Variants in RABAC1 observed in about 807,000 individuals in gnomAD.
RABAC1 encodes prenylated Rab acceptor protein 1.
In RABAC1, 16 loss-of-function variants were observed where a neutral mutation model predicts 22.9. The observed-to-expected ratio is 0.70, with a 90% confidence interval of 0.47 to 1.06. The LOEUF (loss-of-function observed/expected upper bound fraction) is 1.06, where lower values mean the gene tolerates loss of function less well. Ranked by LOEUF, RABAC1 falls within the 50% of genes least tolerant of loss-of-function variation. The pLI is 0.00. For synonymous variants in RABAC1, 139 were observed against 107.7 expected (o/e 1.29, Z -1.80); for missense variants, 227 against 246.5 (o/e 0.92, Z 0.53).
intron 3 of RABAC1, 43 bp downstream of exon 3, chr19:41,958,243 G>A: frequency 6.4e-7 from 1 of 1,557,100 alleles, no homozygotes; most frequent in East Asian, 2.3e-5. Context: ...AAAAGACCAA[G>A]ATTTGAGGGA....
intron 3 of RABAC1, 64 bp from the exon 4 acceptor site, chr19:41,957,183 G>T (rs1318238438): frequency 1.4e-5 from 19 of 1,357,550 alleles, no homozygotes; most frequent in Non-Finnish European, 1.8e-5. Context: ...AGTAACCCCT[G>T]CTGCCCCCCA....
In RABAC1 at chr19:41,956,950, C is replaced by T; in HGVS notation, c.470-16G>A. The T allele has an allele frequency of 1.9e-6, 3 of 1,611,716 alleles. No individual in the cohort carries two copies. The African/African-American group carries it at 4.0e-5, about 21-fold the overall frequency. Reference sequence around the variant, plus strand: ...AGGGTGGCTCCTGCAGGAAAGCCGGCAGCTCAGGGCCACACTCCTGCACCT... The same window carrying T: ...AGGGTGGCTCCTGCAGGAAAGCCGGTAGCTCAGGGCCACACTCCTGCACCT... On this transcript the variant is annotated splice_polypyrimidine_tract_variant and intron_variant, in intron 4 of 4. Transcript: ENST00000222008.
Position 41,957,078 on chromosome 19 carries a change from C to T in RABAC1, c.409G>A (p.Gly137Ser), listed in dbSNP as rs1472200027. The T allele has an allele frequency of 5.6e-6, 9 of 1,613,720 alleles. No individual in the cohort carries two copies. Among genetic ancestry groups the T allele is most frequent in the Admixed American group, 1.7e-5 (1 of 59,994 alleles). ...AGCCAGAAGAAGGGGAAGGAGATGC[C>T]TCCAGCCAGAGCATACTGATGCGCT... is the stretch of plus-strand genomic sequence containing the variant. ...SPAHQYALAG[G>S]ISFPFFWLAG... Residue 137 changes from glycine (G) to serine (S), a missense_variant, in exon 4 of 5, where the codon GGC (glycine) becomes AGC (serine). Transcript: ENST00000222008.
chr19:41,958,620 G>T (rs1176712090), intron 2 of RABAC1, 116 bp downstream of exon 2: 4 of 1,191,674 alleles, frequency 3.4e-6, no homozygotes, highest in South Asian at 1.5e-5. Flanking sequence ...GCGGTGAGAA[G>T]AGGGCCCTGG....
chr19:41,958,672 G>T, intron 2 of RABAC1, 64 bp downstream of exon 2: 1 of 1,521,296 alleles, frequency 6.6e-7, no homozygotes. Context: ...CGGGGCCTGA[G>T]CGGCGAGAGG....
At position 41,957,095 on chromosome 19, in the gene RABAC1, T is replaced by C; in HGVS notation, c.392A>G (p.Gln131Arg). ...GGAGATGCCTCCAGCCAGAGCATAC[T>C]GATGCGCTGGGCTCACCTCTCGGCC... is the stretch of plus-strand genomic sequence containing the variant. ...LFGREVSPAHQYALAGGISFP... is the reference protein window; with the variant it reads ...LFGREVSPAHRYALAGGISFP... Residue 131 changes from glutamine to arginine, a missense_variant, in exon 4 of 5, where the codon CAG becomes CGG. Gln to Arg is a conservative substitution (Grantham distance 43, BLOSUM62 1). Transcript: ENST00000222008. 2.5e-6 allele frequency: 4 copies of C among 1,613,786 alleles called. No homozygotes were observed. The highest frequency in any genetic ancestry group is 3.4e-6 in the Non-Finnish European group (4 of 1,179,978).
chr19:41,957,302 G>A (rs11083642), intron 3 of RABAC1, 183 bp from the exon 4 acceptor site: 394,636 of 594,350 alleles, frequency 0.66, 132,463 homozygotes, highest in East Asian at 0.82. Context: ...CTGCCCTCCA[G>A]AACACAGCAC....
At position 41,959,306 on chromosome 19, in the gene RABAC1, G is replaced by T; in HGVS notation, c.-14C>A. On this transcript the variant is annotated 5_prime_UTR_variant, in exon 1 of 5. Coordinates refer to ENST00000222008, the MANE Select transcript of RABAC1 (RefSeq NM_006423.3). ...CTGCGCTGCCATGTCTGCGTCGTGA[G>T]GGGTAGAGCTGCTGTAACCAGCCCG... The T allele has an allele frequency of 6.2e-7, 1 of 1,613,516 alleles. No individual in the cohort carries two copies. The highest frequency in any genetic ancestry group is 1.3e-5 in the African/African-American group (1 of 75,056).
rs1236009980 is a variant in RABAC1 at position 41,956,872 on chromosome 19, C to T, written c.532G>A (p.Glu178Lys). 1.2e-6 allele frequency: 2 copies of T among 1,612,330 alleles called. No individual in the cohort carries two copies. Among genetic ancestry groups the T allele is most frequent in the Non-Finnish European group, 1.7e-6 (2 of 1,179,446 alleles). The change falls in exon 5 of 5, where the codon GAG becomes AAG. Residue 178 changes from glutamate to lysine, a missense_variant. Glu to Lys is a moderately conservative substitution (Grantham distance 56, BLOSUM62 1). Transcript: ENST00000222008. ...AFHQIEAVDG[E>K]ELQMEPV ...CACACGGGTTCCATCTGCAGCTCCTCCCCGTCCACAGCCTCAATCTGGTGG... is the reference window on the plus strand; with the variant it reads ...CACACGGGTTCCATCTGCAGCTCCTTCCCGTCCACAGCCTCAATCTGGTGG...
At position 41,958,341 on chromosome 19, in the gene RABAC1, G is replaced by T. The variant is rs1555857004; in HGVS notation, c.312C>A (p.Phe104Leu). Reference protein sequence around the residue: ...PMLLVALAVFFGACYILYLRT... With the variant: ...PMLLVALAVFLGACYILYLRT... ...GCAGATAGAGAATGTAACAGGCGCC[G>T]AAAAAGACAGCCAGAGCCACCAGCA... The change falls in exon 3 of 5, where the codon TTC becomes TTA. Residue 104 changes from phenylalanine (F) to leucine (L), a missense_variant. Physicochemically the swap from Phe to Leu is conservative, Grantham distance 22. Transcript: ENST00000222008. 2 of 1,613,542 alleles carry T rather than the reference G, an allele frequency of 1.2e-6. No individual in the cohort carries two copies. The highest frequency in any genetic ancestry group is 2.2e-5 in the South Asian group (2 of 91,024).
chr19:41,957,193 A>G (rs979402627), intron 3 of RABAC1, 74 bp from the exon 4 acceptor site: 1 of 1,259,654 alleles, frequency 7.9e-7, no homozygotes, highest in Non-Finnish European at 1.1e-6. Context: ...GCTGCCCCCC[A>G]ACAATCCGTA....
chr19:41,958,404 G>A (rs782124878), intron 2 of RABAC1, 21 bp from the exon 3 acceptor site: 1 of 1,605,294 alleles, frequency 6.2e-7, no homozygotes, highest in Admixed American at 1.7e-5. Context: ...AGTGCAGGGA[G>A]GCAGCGGTTA....
At chr19:41,958,658 A>G in intron 2 of RABAC1, 78 bp downstream of exon 2, 6 of 1,463,622 alleles carry the variant, frequency 4.1e-6, no homozygotes, top group Non-Finnish European at 5.6e-6. Context: ...CGGGCGGTGA[A>G]GGGCGGGGCC....
chr19:41,958,352 C>T lies in RABAC1; in HGVS notation c.301G>A (p.Ala101Thr), dbSNP rs782624247. ...VTSPMLLVAL[A>T]VFFGACYILY... ...ATGTAACAGGCGCCGAAAAAGACAG[C>T]CAGAGCCACCAGCAACATAGGGGAC... Residue 101 changes from alanine to threonine, a missense_variant, in exon 3 of 5, where the codon GCT becomes ACT. Ala to Thr is a moderately conservative substitution (Grantham distance 58). Transcript: ENST00000222008. 4 of 1,613,492 alleles carry T rather than the reference C, an allele frequency of 2.5e-6. No homozygotes were observed. In the South Asian group the frequency reaches 4.4e-5, roughly 18 times the overall value.
intron 3 of RABAC1, 147 bp downstream of exon 3, chr19:41,958,139 G>T (rs1555856953): frequency 3.2e-5 from 22 of 678,852 alleles, no homozygotes. Context: ...AGATTTTAAG[G>T]GATCAGGTTT....
intron 1 of RABAC1, 40 bp from the exon 2 acceptor site, chr19:41,958,988 G>A (rs782304178): frequency 3.3e-6 from 5 of 1,515,690 alleles, no homozygotes; most frequent in South Asian, 2.5e-5. Context: ...GACCGGGATG[G>A]AGCCCCAGAC....
At chr19:41,958,631 G>T in intron 2 of RABAC1, 105 bp downstream of exon 2, 1 of 1,259,152 alleles carries the variant, frequency 7.9e-7, no homozygotes, top group Admixed American at 2.1e-5. Context: ...AGGGCCCTGG[G>T]CGGTGAGAGG....
chr19:41,958,145 G>C (rs2074998325), intron 3 of RABAC1, 141 bp downstream of exon 3: 2 of 724,522 alleles, frequency 2.8e-6, no homozygotes, highest in South Asian at 3.4e-5. Flanking sequence ...TAAGGGATCA[G>C]GTTTGGGGGA....
chr19:41,958,037 T>G, intron 3 of RABAC1: 6 of 431,998 alleles, frequency 1.4e-5, no homozygotes, highest in East Asian at 8.7e-5. Context: ...TGAAAAGGAG[T>G]AGGTTTAAGG....
Sources: allele counts gnomAD v4.1 joint callset, GRCh38; gene constraint gnomAD v4.1.1; transcripts MANE v1.5; gene names NCBI Gene and HGNC (gene_info 2026-07-23, HGNC 2026-07-21).